Variants in TATDN1 observed in about 807,000 individuals in gnomAD.
The protein encoded by TATDN1 is TatD DNase domain containing 1, also known as deoxyribonuclease TATDN1.
In TATDN1, 40 loss-of-function variants were observed where a neutral mutation model predicts 46.4. That is an observed-to-expected ratio of 0.86 (90% CI 0.67 to 1.12). The LOEUF is 1.12. Ranked by LOEUF, TATDN1 falls within the 50% of genes most tolerant of loss-of-function variation. TATDN1 has a pLI of 0.00. For missense variants in TATDN1, 326 were observed against 348.4 expected (o/e 0.94, Z 0.51); for synonymous variants, 95 against 105.6 (o/e 0.90, Z 0.62).
chr8:124,488,710 AAAAC>A lies in TATDN1; in HGVS notation c.792-18_792-15del, dbSNP rs1285282146. On this transcript the variant is annotated splice_polypyrimidine_tract_variant and intron_variant, in intron 11 of 11. Transcript: ENST00000276692. ...TCCAATATTTGACTAAAACAAAACA[AAAAC>A]AAAAATGGTTAAATCTCCAAGTATA... 5 of 1,486,292 alleles carry A rather than the reference AAAAC, an allele frequency of 3.4e-6. No individual in the cohort carries two copies. Among genetic ancestry groups the A allele is most frequent in the Non-Finnish European group, 4.7e-6 (5 of 1,067,068 alleles). 92.1% of individuals were successfully genotyped at this position (1,486,292 alleles called of 1,614,324 possible).
At chr8:124,492,664 G>T (rs770859825) in intron 11 of TATDN1, among the ~76,000 whole-genome samples, 2 of 144,334 alleles carry the variant, frequency 1.4e-5, no homozygotes, top group Non-Finnish European at 3.0e-5. Context: ...TGAGGCAGGA[G>T]AATTGCTTGA....
chr8:124,492,751 CAAAAAA>C (rs397892964), intron 11 of TATDN1, among the ~76,000 whole-genome samples: 2 of 72,360 alleles, frequency 2.8e-5, no homozygotes, highest in Non-Finnish European at 5.3e-5. Flanking sequence ...AAGATGGTCT[CAAAAAA>C]AAAAAAAAAA....
At chr8:124,519,894 G>A (rs1043494745) in intron 3 of TATDN1, among the ~76,000 whole-genome samples, 9 of 152,172 alleles carry the variant, frequency 5.9e-5, no homozygotes, top group East Asian at 1.9e-4. Context: ...GCAGTGCTGC[G>A]TAAGGGGCGC....
intron 5 of TATDN1, 42 bp from the exon 6 acceptor site, chr8:124,515,830 A>G (rs1208693289): frequency 1.2e-6 from 2 of 1,613,542 alleles, no homozygotes; most frequent in South Asian, 1.1e-5. Context: ...TAACTTATAC[A>G]GAACAAATTA....
chr8:124,488,626 T>A lies in TATDN1; in HGVS notation c.862A>T (p.Asn288Tyr). 6.3e-7 allele frequency: 1 copy of A among 1,584,138 alleles called. No homozygotes were observed. The part of the protein sequence containing the change: ...PLELANTLYN[N>Y]TIKVFFPGI ...CCAGGAAAAAATACTTTAATAGTAT[T>A]GTTATATAGTGTATTGGCTAATTCC... Residue 288 changes from asparagine (N) to tyrosine (Y), a missense_variant, in exon 12 of 12, where the codon AAT (asparagine) becomes TAT (tyrosine). Physicochemically the swap from Asn to Tyr is moderately radical, Grantham distance 143 (BLOSUM62 -2). Coordinates refer to ENST00000276692, the MANE Select transcript of TATDN1 (RefSeq NM_032026.4).
chr8:124,510,447 C>T (rs1484491736), intron 6 of TATDN1, among the ~76,000 whole-genome samples: 1 of 152,186 alleles, frequency 6.6e-6, no homozygotes, highest in Admixed American at 6.5e-5. Flanking sequence ...AACCACATGA[C>T]CAAGCTACAA....
intron 9 of TATDN1, chr8:124,503,701 GT>G: frequency 3.5e-6 from 1 of 287,798 alleles, no homozygotes; most frequent in South Asian, 3.3e-5. Context: ...TCTTACATAT[GT>G]GACAAAACCA....
chr8:124,533,424 G>A (rs548097838), intron 1 of TATDN1, among the ~76,000 whole-genome samples: 1 of 152,228 alleles, frequency 6.6e-6, no homozygotes, highest in East Asian at 1.9e-4. Context: ...ACAACGAGAG[G>A]GGATCCCAGG....
chr8:124,508,131 A>T (rs1383331669), intron 8 of TATDN1, among the ~76,000 whole-genome samples: 1 of 152,220 alleles, frequency 6.6e-6, no homozygotes, highest in Non-Finnish European at 1.5e-5. Context: ...CCCTTATCCC[A>T]AGTGTGTGGG....
chr8:124,538,840 C>G lies in TATDN1; in HGVS notation c.22+185G>C. 6.1e-6 allele frequency: 4 copies of G among 661,120 alleles called. No individual in the cohort carries two copies. The South Asian group carries it at 6.9e-5, about 11-fold the overall frequency. 41.0% of individuals were successfully genotyped at this position (661,120 alleles called of 1,614,324 possible). On this transcript the variant is annotated intron_variant, in intron 1 of 11. Transcript: ENST00000276692. ...TACAAATAAATACACCCTCGTGAAT[C>G]CAGAACCTAGATCAAGAACCAGAGC...
In TATDN1 at chr8:124,488,577, TG is replaced by T. The variant is rs1253646558; in HGVS notation, c.*16del. The T allele has an allele frequency of 1.6e-6, 2 of 1,265,186 alleles. No homozygotes were observed. Among genetic ancestry groups the T allele is most frequent in the African/African-American group, 3.0e-5 (2 of 66,810 alleles). 78.4% of individuals were successfully genotyped at this position (1,265,186 alleles called of 1,614,324 possible). A position where few individuals can be genotyped will look rare whatever the true frequency, so the allele number is the denominator to read the frequency against. On this transcript the variant is annotated 3_prime_UTR_variant, in exon 12 of 12. Coordinates refer to ENST00000276692, the MANE Select transcript of TATDN1 (RefSeq NM_032026.4). ...GAAATTTTACATACATGATGGAAAG[TG>T]GAAGACATATACCAATTATATTCCA...
chr8:124,533,525 AT>A (rs1199016166), intron 1 of TATDN1, among the ~76,000 whole-genome samples: 3 of 152,082 alleles, frequency 2.0e-5, no homozygotes, highest in Non-Finnish European at 4.4e-5. Flanking sequence ...GTCAGCTGTC[AT>A]GGTGAAACTG....
intron 11 of TATDN1, among the ~76,000 whole-genome samples, chr8:124,491,862 A>G (rs1817025678): frequency 6.6e-6 from 1 of 152,238 alleles, no homozygotes; most frequent in African/African-American, 2.4e-5. Flanking sequence ...GCAGTAGATT[A>G]GAGGATTGTG....
At chr8:124,522,868 T>G in intron 2 of TATDN1, 69 bp downstream of exon 2, 1 of 1,342,410 alleles carries the variant, frequency 7.4e-7, no homozygotes, top group Non-Finnish European at 1.1e-6. Flanking sequence ...ATTATGCTTT[T>G]CAAGATCTCC....
chr8:124,504,829 C>T (rs1285666826), intron 8 of TATDN1: 4 of 151,432 alleles, frequency 2.6e-5, no homozygotes, highest in Admixed American at 2.6e-4. Context: ...TCACTGCAAC[C>T]TCCACCTCCC....
chr8:124,520,153 A>G (rs1200867793), intron 3 of TATDN1, among the ~76,000 whole-genome samples: 1 of 152,208 alleles, frequency 6.6e-6, no homozygotes, highest in Non-Finnish European at 1.5e-5. Flanking sequence ...CAGAAGATGT[A>G]AGGCAGGGCG....
At chr8:124,496,370 A>C (rs1329903016) in intron 9 of TATDN1, among the ~76,000 whole-genome samples, 7 of 152,208 alleles carry the variant, frequency 4.6e-5, no homozygotes, top group Admixed American at 4.6e-4. Context: ...CACAGTTTAC[A>C]TCAGGGTTCA....
intron 1 of TATDN1, among the ~76,000 whole-genome samples, chr8:124,533,429 C>A (rs1821145539): frequency 6.6e-6 from 1 of 151,888 alleles, no homozygotes; most frequent in South Asian, 2.1e-4. Context: ...GAGAGGGGAT[C>A]CCAGGAGTAA....
At chr8:124,528,021 G>A (rs1820647186) in intron 1 of TATDN1, among the ~76,000 whole-genome samples, 1 of 152,164 alleles carries the variant, frequency 6.6e-6, no homozygotes, top group Non-Finnish European at 1.5e-5. Flanking sequence ...TGTTAAGAAA[G>A]AAAGTATGAT....
Sources: gnomAD v4.1 joint callset for allele counts (sites outside exome capture counted in the v4.1 genomes callset) on GRCh38, gnomAD v4.1.1 for gene constraint, MANE v1.5 for transcripts, NCBI Gene and HGNC (gene_info 2026-07-23, HGNC 2026-07-21) for gene names.